WT1: variants seen among roughly 807,000 people sequenced by gnomAD.
The protein encoded by WT1 is Wilms tumor protein.
Under a neutral mutation model 60.8 loss-of-function variants are expected in WT1, and 8 were observed. The ratio of observed to expected loss-of-function variants is 0.13; its 90% confidence interval spans 0.08 to 0.24. WT1 has a LOEUF of 0.24. Among genes scored for constraint, WT1 ranks in the 10% least tolerant of loss-of-function variants. WT1 has a pLI of 1.00. For synonymous variants in WT1, 312 were observed against 297.1 expected, an observed-to-expected ratio of 1.05 and a Z score of -0.52; for missense variants, 568 against 711.8, an observed-to-expected ratio of 0.80 and a Z score of 2.30.
chr11:32,419,395 T>G (rs756715633), intron 3 of WT1, among the ~76,000 whole-genome samples: 4 of 152,240 alleles, frequency 2.6e-5, no homozygotes, highest in Non-Finnish European at 4.4e-5. Flanking sequence ...GGCAGCTCTA[T>G]ATTTTTGTCA....
At chr11:32,415,659 A>G (rs1341802948) in intron 5 of WT1, among the ~76,000 whole-genome samples, 1 of 152,240 alleles carries the variant, frequency 6.6e-6, no homozygotes, top group Non-Finnish European at 1.5e-5. Context: ...AAAAGAAAAG[A>G]GAATGGGTAG....
rs1376335993 is a variant in WT1 at position 32,388,307 on chromosome 11, G to T, written c.*751C>A. On this transcript the variant is annotated 3_prime_UTR_variant, in exon 10 of 10. Coordinates refer to ENST00000452863, the MANE Select transcript of WT1 (RefSeq NM_024426.6). ...TATGTACATCTATAAAGACACATAT[G>T]ATTACCACTCAAAAGAGTCAAAAAC... 5 of 233,596 alleles carry T rather than the reference G, an allele frequency of 2.1e-5. No individual in the cohort carries two copies. Among genetic ancestry groups the T allele is most frequent in the African/African-American group, 1.1e-4 (5 of 45,326 alleles). The allele number at this position is 233,596 out of a possible 1,614,324, so 14.5% of individuals were successfully genotyped here. A position where few individuals can be genotyped will look rare whatever the true frequency, so the allele number is the denominator to read the frequency against.
intron 1 of WT1, among the ~76,000 whole-genome samples, chr11:32,433,144 G>GTCCT (rs1853367028): frequency 6.6e-6 from 1 of 152,198 alleles, no homozygotes; most frequent in Non-Finnish European, 1.5e-5. Context: ...CTCCCCAAAA[G>GTCCT]TAACACCAGC....
chr11:32,423,002 C>T (rs1193089095), intron 3 of WT1, among the ~76,000 whole-genome samples: 3 of 152,120 alleles, frequency 2.0e-5, no homozygotes, highest in African/African-American at 4.8e-5. Context: ...TATGTGAAGT[C>T]GGTATAGTCA....
chr11:32,398,447 C>A (rs1852040569), intron 6 of WT1, among the ~76,000 whole-genome samples: 1 of 152,200 alleles, frequency 6.6e-6, no homozygotes, highest in South Asian at 2.1e-4. Context: ...GGTGGCAGAC[C>A]AAAAGTGTCT....
At chr11:32,395,487 T>C (rs905668596) in intron 7 of WT1, among the ~76,000 whole-genome samples, 4 of 152,002 alleles carry the variant, frequency 2.6e-5, no homozygotes, top group Non-Finnish European at 4.4e-5. Flanking sequence ...CTTTTTTTTT[T>C]TTTTGGCAGA....
chr11:32,417,330 A>T, intron 4 of WT1: 1 of 523,168 alleles, frequency 1.9e-6, no homozygotes, highest in South Asian at 2.4e-5. Context: ...AAAACATTCA[A>T]CAAGACCATA....
chr11:32,389,208 C>T, intron 9 of WT1, 29 bp from the exon 10 acceptor site: 8 of 1,613,842 alleles, frequency 5.0e-6, no homozygotes, highest in Non-Finnish European at 6.8e-6. Context: ...GTCAGAGACA[C>T]TTGCAACAAA....
At chr11:32,429,894 G>A (rs931142340) in intron 1 of WT1, among the ~76,000 whole-genome samples, 7 of 150,850 alleles carry the variant, frequency 4.6e-5, no homozygotes, top group African/African-American at 1.7e-4. Context: ...GGACTCAGCC[G>A]ATGAGCAGGA....
chr11:32,427,840 A>G (rs906726663), intron 3 of WT1, 116 bp downstream of exon 3: 2 of 907,836 alleles, frequency 2.2e-6, no homozygotes, highest in East Asian at 5.3e-5. Flanking sequence ...TCGTGCCTCC[A>G]AGACCCTGCA....
chr11:32,427,916 G>T, intron 3 of WT1, 40 bp downstream of exon 3: 1 of 1,569,314 alleles, frequency 6.4e-7, no homozygotes, highest in Non-Finnish European at 8.7e-7. Flanking sequence ...TCCCCTCCGG[G>T]GTCCCAAGGA....
In WT1 at chr11:32,400,022, C is replaced by G. The variant is rs267602851; in HGVS notation, c.1039G>C (p.Asp347His). The G allele has an allele frequency of 6.2e-7, 1 of 1,614,200 alleles. No individual in the cohort carries two copies. Among genetic ancestry groups the G allele is most frequent in the Non-Finnish European group, 8.5e-7 (1 of 1,180,046 alleles). Residue 347 changes from aspartate (D) to histidine (H), a missense_variant, in exon 6 of 10, where the codon GAT becomes CAT. Transcript: ENST00000452863. ...CAGAGGATGGGCGTTGTGTGGTTAT[C>G]GCTCTCGTACCCTGTGCTGTGGCTG...
At chr11:32,410,421 C>A (rs1852460266) in intron 5 of WT1, among the ~76,000 whole-genome samples, 1 of 152,178 alleles carries the variant, frequency 6.6e-6, no homozygotes, top group Non-Finnish European at 1.5e-5. Context: ...AAAGCATGAT[C>A]TTTACCTCCT....
chr11:32,390,666 A>C (rs1851790293), intron 9 of WT1, among the ~76,000 whole-genome samples: 1 of 152,136 alleles, frequency 6.6e-6, no homozygotes, highest in African/African-American at 2.4e-5. Context: ...AGTGCTGTTA[A>C]GGGCTGGCTC....
At position 32,428,587 on chromosome 11, in the gene WT1, T is replaced by A; in HGVS notation, c.694A>T (p.Ser232Cys). The change falls in exon 2 of 10, where the codon AGC (serine) becomes TGC (cysteine). Residue 232 changes from serine to cysteine, a missense_variant. Transcript: ENST00000452863. ...TGGTGCGAGGGCGTGTGACCGTAGC[T>A]GGGCGTCCCGTCGAAGGTGACCGTG... 3 of 1,613,850 alleles carry A rather than the reference T, an allele frequency of 1.9e-6. No homozygotes were observed. Among genetic ancestry groups the A allele is most frequent in the Non-Finnish European group, 2.5e-6 (3 of 1,180,014 alleles).
chr11:32,431,394 G>T (rs1853303326), intron 1 of WT1, among the ~76,000 whole-genome samples: 2 of 151,906 alleles, frequency 1.3e-5, no homozygotes, highest in Non-Finnish European at 1.5e-5. Flanking sequence ...GGTTCTGCGA[G>T]CCTGCGGGGC....
Position 32,428,024 on chromosome 11 carries a change from A to G in WT1, c.819T>C (p.Tyr273=), listed in dbSNP as rs766642594. The G allele has an allele frequency of 5.0e-6, 8 of 1,610,734 alleles. No homozygotes were observed. The highest frequency in any genetic ancestry group is 5.9e-6 in the Non-Finnish European group (7 of 1,178,452). Reference sequence around the variant, plus strand: ...AGCTGTCGGTGGGGGTGTGGCAGCCATAGACCGGGGGCGGCACCGAGTACT... The same window carrying G: ...AGCTGTCGGTGGGGGTGTGGCAGCCGTAGACCGGGGGCGGCACCGAGTACT... The change falls in exon 3 of 10, where the codon TAT becomes TAC. Residue 273 remains tyrosine, a synonymous_variant. Coordinates refer to ENST00000452863, the MANE Select transcript of WT1 (RefSeq NM_024426.6).
intron 7 of WT1, among the ~76,000 whole-genome samples, chr11:32,395,635 T>C (rs745756568): frequency 6.6e-6 from 1 of 152,130 alleles, no homozygotes; most frequent in Non-Finnish European, 1.5e-5. Context: ...CTCATTTTTG[T>C]ATTTTTAGTA....
intron 1 of WT1, among the ~76,000 whole-genome samples, chr11:32,432,315 C>T (rs1853339767): frequency 6.6e-6 from 1 of 152,136 alleles, no homozygotes; most frequent in African/African-American, 2.4e-5. Context: ...GAGTTGATGC[C>T]CTTGCCTCTC....
Sources: allele counts gnomAD v4.1 joint callset (sites outside exome capture counted in the v4.1 genomes callset), GRCh38; gene constraint gnomAD v4.1.1; transcripts MANE v1.5; gene names NCBI Gene and HGNC (gene_info 2026-07-23, HGNC 2026-07-21).